The following NINL variants were observed in gnomAD, a reference collection of about 807,000 sequenced individuals.
NINL encodes ninein-like protein.
NINL carries 153 observed loss-of-function variants against 160.3 expected under a neutral mutation model. The observed-to-expected ratio is 0.95, with a 90% CI of 0.84 to 1.09. The LOEUF (loss-of-function observed/expected upper bound fraction) is 1.09. Ranked by LOEUF, NINL falls within the 50% of genes least tolerant of loss-of-function variation. The pLI, the probability that NINL is intolerant of heterozygous loss-of-function variation, is 0.00. For missense variants in NINL, 1,829 were observed against 1,764.0 expected, an observed-to-expected ratio of 1.04 and a Z score of -0.66; for synonymous variants, 800 against 734.8, an observed-to-expected ratio of 1.09 and a Z score of -1.43.
At chr20:25,540,004 A>G (rs1380575340) in intron 1 of NINL, 2 of 1,287,762 alleles carry the variant, frequency 1.6e-6, no homozygotes, top group Non-Finnish European at 2.0e-6. Flanking sequence ...GCTCACTGTA[A>G]TAATACACAC....
intron 8 of NINL, chr20:25,498,838 C>G (rs2063811227): frequency 1.1e-6 from 1 of 949,720 alleles, no homozygotes; most frequent in East Asian, 1.2e-4. Context: ...AAAAAGCTTT[C>G]CAGAGCGGGG....
At chr20:25,549,531 T>C (rs976244992) in intron 1 of NINL, among the ~76,000 whole-genome samples, 2 of 152,258 alleles carry the variant, frequency 1.3e-5, no homozygotes, top group African/African-American at 4.8e-5. Context: ...CCTCCATCAA[T>C]GTCTGCTGAG....
intron 1 of NINL, among the ~76,000 whole-genome samples, chr20:25,571,947 C>T (rs1372180265): frequency 8.7e-5 from 13 of 149,948 alleles, no homozygotes; most frequent in African/African-American, 2.7e-4. Context: ...AAACACATCA[C>T]GGTATATATT....
At chr20:25,470,573 G>A (rs934122180) in intron 17 of NINL, among the ~76,000 whole-genome samples, 1 of 152,198 alleles carries the variant, frequency 6.6e-6, no homozygotes, top group African/African-American at 2.4e-5. Flanking sequence ...GTGGGAAAAG[G>A]CAGGGATAGA....
At chr20:25,524,545 T>C (rs957913368) in intron 2 of NINL, among the ~76,000 whole-genome samples, 1 of 152,112 alleles carries the variant, frequency 6.6e-6, no homozygotes, top group Non-Finnish European at 1.5e-5. Flanking sequence ...CCCACACACA[T>C]ATGAGAAGCC....
chr20:25,582,281 A>C (rs189873226), intron 1 of NINL, among the ~76,000 whole-genome samples: 129 of 152,206 alleles, frequency 8.5e-4, no homozygotes, highest in African/African-American at 3.0e-3. Context: ...CAAACAAAAA[A>C]CAAAACTTTT....
intron 15 of NINL, 28 bp downstream of exon 15, chr20:25,480,133 G>C (rs1294848137): frequency 6.5e-7 from 1 of 1,546,936 alleles, no homozygotes; most frequent in Non-Finnish European, 8.9e-7. Flanking sequence ...TACTCCCCCA[G>C]GGCCCCACAG....
chr20:25,561,773 G>A (rs956943919), intron 1 of NINL, among the ~76,000 whole-genome samples: 34 of 149,848 alleles, frequency 2.3e-4, no homozygotes, highest in African/African-American at 8.4e-4. Flanking sequence ...CCCCGTCTGA[G>A]AAGTGAGGAG....
chr20:25,491,583 C>A, intron 10 of NINL, 58 bp from the exon 11 acceptor site: 1 of 1,564,166 alleles, frequency 6.4e-7, no homozygotes, highest in Non-Finnish European at 8.7e-7. Context: ...CCCAGGCCCA[C>A]GCCACCCCCT....
intron 17 of NINL, 32 bp from the exon 18 acceptor site, chr20:25,470,127 A>G (rs2063059251): frequency 6.4e-7 from 1 of 1,574,182 alleles, no homozygotes; most frequent in African/African-American, 1.3e-5. Flanking sequence ...ACCGGTGAGC[A>G]CTTGGGGAGC....
At position 25,496,742 on chromosome 20, in the gene NINL, C is replaced by T. The variant is rs756662231; in HGVS notation, c.1231G>A (p.Glu411Lys). 41 of 1,613,964 alleles carry T rather than the reference C, an allele frequency of 2.5e-5. No homozygotes were observed. The highest frequency in any genetic ancestry group is 2.0e-4 in the East Asian group (9 of 44,890). Residue 411 changes from glutamate to lysine, a missense_variant, in exon 10 of 24, where the codon GAG (glutamate) becomes AAG (lysine). By Grantham distance (56) the Glu-to-Lys change is moderately conservative. Coordinates refer to ENST00000278886, the MANE Select transcript of NINL (RefSeq NM_025176.6). ...TTCACAAACTCCAGGTTCCTCTTCTCGGCCCTCTCCAGGTCCTGCCTTGCC... is the reference window on the plus strand; with the variant it reads ...TTCACAAACTCCAGGTTCCTCTTCTTGGCCCTCTCCAGGTCCTGCCTTGCC... ...DKARQDLERA[E>K]KRNLEFVKEM...
chr20:25,546,584 A>T (rs1024540677), intron 1 of NINL, among the ~76,000 whole-genome samples: 40 of 152,316 alleles, frequency 2.6e-4, no homozygotes, highest in African/African-American at 9.6e-4. Flanking sequence ...AGGTAATTTT[A>T]ATGTAAATCA....
At chr20:25,524,240 G>C (rs1568940904) in intron 2 of NINL, among the ~76,000 whole-genome samples, 2 of 152,210 alleles carry the variant, frequency 1.3e-5, no homozygotes, top group Non-Finnish European at 2.9e-5. Flanking sequence ...GGACAGGCAG[G>C]GAGAGGTGAA....
intron 1 of NINL, among the ~76,000 whole-genome samples, chr20:25,551,685 A>C (rs1051361813): frequency 9.2e-5 from 14 of 152,168 alleles, no homozygotes; most frequent in African/African-American, 3.4e-4. Context: ...GGCTCTAATA[A>C]CTGCTCAGCA....
intron 2 of NINL, among the ~76,000 whole-genome samples, chr20:25,525,613 C>T (rs933422475): frequency 6.6e-6 from 1 of 152,146 alleles, no homozygotes; most frequent in Admixed American, 6.5e-5. Context: ...GAGACGGCTC[C>T]ACTACACTCC....
intron 13 of NINL, among the ~76,000 whole-genome samples, chr20:25,483,832 A>G (rs1388030914): frequency 3.9e-5 from 6 of 152,266 alleles, no homozygotes; most frequent in Admixed American, 3.9e-4. Flanking sequence ...ACCTTCAGGA[A>G]GCAGACATAA....
intron 2 of NINL, among the ~76,000 whole-genome samples, chr20:25,519,991 A>C: frequency 8.3e-6 from 1 of 120,504 alleles, no homozygotes; most frequent in Non-Finnish European, 1.6e-5. Flanking sequence ...CCCCGTCTCA[A>C]AAAAAAAAAA....
At chr20:25,507,374 G>A (rs980798549) in intron 5 of NINL, among the ~76,000 whole-genome samples, 4 of 152,062 alleles carry the variant, frequency 2.6e-5, no homozygotes, top group East Asian at 1.9e-4. Context: ...TTTGTCTTCA[G>A]CCGCTTATCT....
At chr20:25,548,010 G>A (rs114240022) in intron 1 of NINL, among the ~76,000 whole-genome samples, 1 of 152,214 alleles carries the variant, frequency 6.6e-6, no homozygotes, top group African/African-American at 2.4e-5. Context: ...AACTAATGAG[G>A]TAACACTGCA....
Sources: allele counts gnomAD v4.1 joint callset (sites outside exome capture counted in the v4.1 genomes callset), GRCh38; gene constraint gnomAD v4.1.1; transcripts MANE v1.5; gene names NCBI Gene and HGNC (gene_info 2026-07-23, HGNC 2026-07-21).